EMC2: variants seen among roughly 807,000 people sequenced by gnomAD.
EMC2 encodes the protein ER membrane protein complex subunit 2, also known as TPR repeat protein 35.
Under a neutral mutation model 51.6 loss-of-function variants are expected in EMC2, and 37 were observed. That is an observed-to-expected ratio of 0.72 (90% CI 0.55 to 0.94). EMC2 has a LOEUF of 0.94. EMC2 is among the 40% of genes least tolerant of loss of function. The pLI, the probability that EMC2 is intolerant of heterozygous loss-of-function variation, is 0.00. For synonymous variants in EMC2, 131 were observed against 112.4 expected (o/e 1.17, Z -1.04); for missense variants, 359 against 350.9 (o/e 1.02, Z -0.18).
chr8:108,458,703 C>T (rs1039333771), intron 5 of EMC2, among the ~76,000 whole-genome samples: 1 of 152,134 alleles, frequency 6.6e-6, no homozygotes, highest in Non-Finnish European at 1.5e-5. Flanking sequence ...CCTTTTCCTC[C>T]TAGGACTCCA....
In EMC2 at chr8:108,449,921, A is replaced by G. The variant is rs1032588617; in HGVS notation, c.139A>G (p.Lys47Glu). The G allele has an allele frequency of 1.3e-6, 2 of 1,532,288 alleles. No individual in the cohort carries two copies. Among genetic ancestry groups the G allele is most frequent in the South Asian group, 2.3e-5 (2 of 88,866 alleles). 94.9% of individuals were successfully genotyped at this position (1,532,288 alleles called of 1,614,324 possible). Reference protein sequence around the residue: ...GEELINEYASKLGDDIWIIYE... With the variant: ...GEELINEYASELGDDIWIIYE... ...AGAATTAATTAATGAATATGCTTCT[A>G]AGCTGGGAGATGATAGTAAGTTCTT... is the stretch of plus-strand genomic sequence containing the variant. The change falls in exon 2 of 11, where the codon AAG becomes GAG. Residue 47 changes from lysine (K) to glutamate (E), a missense_variant. By Grantham distance (56) the Lys-to-Glu change is moderately conservative. Coordinates refer to ENST00000220853, the MANE Select transcript of EMC2 (RefSeq NM_014673.5).
chr8:108,480,468 TTAGAA>T (rs1457894312), intron 10 of EMC2, among the ~76,000 whole-genome samples: 6 of 152,124 alleles, frequency 3.9e-5, no homozygotes, highest in Non-Finnish European at 8.8e-5. Flanking sequence ...CCGGTCTTTC[TTAGAA>T]CTGAGTATGA....
chr8:108,484,044 T>C (rs529489140), intron 10 of EMC2, among the ~76,000 whole-genome samples: 91 of 152,254 alleles, frequency 6.0e-4, no homozygotes, highest in African/African-American at 2.1e-3. Context: ...ATGGCTACTA[T>C]TTGCTCGTCA....
chr8:108,469,709 A>C, intron 5 of EMC2, 117 bp from the exon 6 acceptor site: 1 of 772,260 alleles, frequency 1.3e-6, no homozygotes. Context: ...ACTAAGCAGT[A>C]GTTCTACAAT....
intron 10 of EMC2, among the ~76,000 whole-genome samples, chr8:108,484,931 G>A (rs962214497): frequency 5.9e-5 from 9 of 151,940 alleles, no homozygotes; most frequent in Admixed American, 2.6e-4. Flanking sequence ...CCTTAAATTC[G>A]TGATGCCTTT....
At chr8:108,458,597 G>A (rs980025635) in intron 5 of EMC2, among the ~76,000 whole-genome samples, 3 of 152,106 alleles carry the variant, frequency 2.0e-5, no homozygotes, top group African/African-American at 7.2e-5. Flanking sequence ...GCTCTGTGTT[G>A]GTCCCTTTCG....
chr8:108,479,905 TTC>T (rs1586193450), intron 10 of EMC2, among the ~76,000 whole-genome samples: 1 of 152,144 alleles, frequency 6.6e-6, no homozygotes, highest in African/African-American at 2.4e-5. Context: ...AGCTATTTCA[TTC>T]TGTTTCAGAA....
intron 1 of EMC2, among the ~76,000 whole-genome samples, chr8:108,445,630 A>C (rs1472908926): frequency 6.6e-6 from 1 of 151,934 alleles, no homozygotes; most frequent in Non-Finnish European, 1.5e-5. Flanking sequence ...AAAATGAAGC[A>C]ACAAAACACA....
At chr8:108,471,880 A>G (rs1810863469) in intron 7 of EMC2, among the ~76,000 whole-genome samples, 1 of 152,004 alleles carries the variant, frequency 6.6e-6, no homozygotes, top group African/African-American at 2.4e-5. Flanking sequence ...GAATGGTAAC[A>G]TCAATTTACT....
rs1477213906 is a variant in EMC2, at chr8:108,489,152, C to A, written c.*2554C>A. Among the ~76,000 whole-genome samples the A allele has an allele frequency of 6.6e-6, 1 of 152,140 alleles. No individual in the cohort carries two copies. The highest frequency in any genetic ancestry group is 2.4e-5 in the African/African-American group (1 of 41,430). Reference sequence around the variant, plus strand: ...CAAGATGAGCAATTGCCAAACTCCCCAATTATTAAATGAGAAAAAATAAAC... The same window carrying A: ...CAAGATGAGCAATTGCCAAACTCCCAAATTATTAAATGAGAAAAAATAAAC... On this transcript the variant is annotated 3_prime_UTR_variant, in exon 11 of 11. Coordinates refer to ENST00000220853, the MANE Select transcript of EMC2 (RefSeq NM_014673.5).
intron 10 of EMC2, among the ~76,000 whole-genome samples, chr8:108,484,713 A>G (rs1298948115): frequency 2.0e-5 from 3 of 151,942 alleles, no homozygotes; most frequent in Non-Finnish European, 2.9e-5. Context: ...ACCTTTAAGT[A>G]TCTGATTAGG....
chr8:108,443,714 G>A lies in EMC2; in HGVS notation c.40+16G>A, dbSNP rs750979920. The A allele has an allele frequency of 2.5e-5, 40 of 1,603,308 alleles. No homozygotes were observed. Among genetic ancestry groups the A allele is most frequent in the African/African-American group, 4.0e-5 (3 of 74,694 alleles). ...ACTTGGGAAGGTAACTTCGGGTGGGGGCGGGTGCGGAAAGACTAAAAGCGC... is the reference window on the plus strand; with the variant it reads ...ACTTGGGAAGGTAACTTCGGGTGGGAGCGGGTGCGGAAAGACTAAAAGCGC... On this transcript the variant is annotated intron_variant, in intron 1 of 10. Transcript: ENST00000220853.
chr8:108,461,769 T>TA (rs200415358), intron 5 of EMC2, among the ~76,000 whole-genome samples: 31 of 149,888 alleles, frequency 2.1e-4, no homozygotes, highest in African/African-American at 5.4e-4. Flanking sequence ...AATGATATGG[T>TA]AAAAAAAAAA....
chr8:108,454,935 A>G (rs1003845375), intron 4 of EMC2, among the ~76,000 whole-genome samples: 28 of 152,022 alleles, frequency 1.8e-4, no homozygotes, highest in Non-Finnish European at 3.4e-4. Context: ...GAGAAGTCTG[A>G]TATAATTCTT....
intron 4 of EMC2, 34 bp downstream of exon 4, chr8:108,453,181 C>G (rs776358362): frequency 1.6e-6 from 2 of 1,284,812 alleles, no homozygotes; most frequent in Non-Finnish European, 2.2e-6. Context: ...AGGCATGGAG[C>G]CTGTTAATCA....
Position 108,486,514 on chromosome 8 carries a change from T to C in EMC2, c.810T>C (p.Phe270=), listed in dbSNP as rs767101447. ...AASQINRAYQ[F]AGRSKKETKY... ...TTTTTTTTTTTTTTTTTAATTAGTT[T>C]GCAGGTCGAAGTAAGAAGGAAACCA... The change falls in exon 11 of 11, where the codon TTT becomes TTC. Residue 270 remains phenylalanine, a splice_region_variant and synonymous_variant. Coordinates refer to ENST00000220853, the MANE Select transcript of EMC2 (RefSeq NM_014673.5). The C allele has an allele frequency of 1.3e-6, 2 of 1,566,584 alleles. No homozygotes were observed. The highest frequency in any genetic ancestry group is 1.4e-5 in the African/African-American group (1 of 71,526).
rs1554617756 is a variant in EMC2 at position 108,459,721 on chromosome 8, AGT to A, written c.363+3823_363+3824del. ...AGCCATGTGAGAGAGAGAGAGAGAGAGTGTGTGTGTGTGTGTGTGTGTGTGTG... is the reference window on the plus strand; with the variant it reads ...AGCCATGTGAGAGAGAGAGAGAGAGAGTGTGTGTGTGTGTGTGTGTGTGTG... On this transcript the variant is annotated intron_variant, in intron 5 of 10. Coordinates refer to ENST00000220853, the MANE Select transcript of EMC2 (RefSeq NM_014673.5). Among the ~76,000 whole-genome samples, 667 of 136,942 alleles carry A rather than the reference AGT, an allele frequency of 4.9e-3. 2 individuals carry two copies. The highest frequency in any genetic ancestry group is 0.012 in the African/African-American group (393 of 33,718). 89.8% of individuals were successfully genotyped at this position (136,942 alleles called of 152,430 possible).
intron 1 of EMC2, 74 bp downstream of exon 1, chr8:108,443,772 G>C (rs1818809066): frequency 1.5e-6 from 2 of 1,330,968 alleles, no homozygotes; most frequent in African/African-American, 2.9e-5. Context: ...CGCTGCTTTC[G>C]GGGAGCTGGG....
At chr8:108,476,576 CATAGA>C (rs1225593140) in intron 8 of EMC2, among the ~76,000 whole-genome samples, 1 of 151,858 alleles carries the variant, frequency 6.6e-6, no homozygotes, top group Admixed American at 6.6e-5. Context: ...TCTCAATGTT[CATAGA>C]ATAGAATAGC....
Sources: gnomAD v4.1 joint callset for allele counts (sites outside exome capture counted in the v4.1 genomes callset) on GRCh38, gnomAD v4.1.1 for gene constraint, MANE v1.5 for transcripts, NCBI Gene and HGNC (gene_info 2026-07-23, HGNC 2026-07-21) for gene names.